The following EIF3J variants were observed in gnomAD, a reference collection of about 807,000 sequenced individuals.
The protein encoded by EIF3J is eukaryotic translation initiation factor 3 subunit J.
In EIF3J, 15 loss-of-function variants were observed where a neutral mutation model predicts 39.0. That is an observed-to-expected ratio of 0.38 (90% confidence interval 0.26 to 0.59). EIF3J has a LOEUF of 0.59. Among genes scored for constraint, EIF3J ranks in the 20% least tolerant of loss-of-function variants. EIF3J has a pLI of 0.60. For missense variants in EIF3J, 226 were observed against 308.6 expected (o/e 0.73, Z 2.00); for synonymous variants, 98 against 112.9 (o/e 0.87, Z 0.84).
chr15:44,539,217 G>A (rs1324634371), intron 2 of EIF3J, among the ~76,000 whole-genome samples: 1 of 151,596 alleles, frequency 6.6e-6, no homozygotes, highest in Non-Finnish European at 1.5e-5. Context: ...GTAGAGACGG[G>A]GTTTCGCCAT....
At chr15:44,552,625 C>T (rs542849430) in intron 4 of EIF3J, among the ~76,000 whole-genome samples, 47 of 150,916 alleles carry the variant, frequency 3.1e-4, no homozygotes, top group African/African-American at 1.1e-3. Flanking sequence ...AGTGCAATGG[C>T]GTGATCTTGG....
chr15:44,557,111 G>A (rs1377306329), intron 5 of EIF3J, among the ~76,000 whole-genome samples: 3 of 152,098 alleles, frequency 2.0e-5, no homozygotes, highest in African/African-American at 4.8e-5. Context: ...GTAGTGGCAC[G>A]TCAAATAATG....
At chr15:44,551,316 C>T in intron 3 of EIF3J, 115 bp from the exon 4 acceptor site, 3 of 687,890 alleles carry the variant, frequency 4.4e-6, no homozygotes, top group South Asian at 4.6e-5. Flanking sequence ...AGAAAAATCA[C>T]TGTTTGAAGC....
chr15:44,559,866 C>T lies in EIF3J; in HGVS notation c.572-383C>T, dbSNP rs553823005. On this transcript the variant is annotated intron_variant, in intron 6 of 7. Coordinates refer to ENST00000261868, the MANE Select transcript of EIF3J (RefSeq NM_003758.4). ...ATTGTGAGCTATAAAGACAGTTTCT[C>T]TTTGGTTGAGCAATGGTGTGTTGGT... Among the ~76,000 whole-genome samples, 97 of 151,922 alleles carry T rather than the reference C, an allele frequency of 6.4e-4. No homozygotes were observed. In the South Asian group the frequency reaches 0.02, roughly 31 times the overall value.
chr15:44,557,658 A>G lies in EIF3J; in HGVS notation c.571+8A>G. 6.9e-7 allele frequency: 1 copy of G among 1,452,450 alleles called. No individual in the cohort carries two copies. The highest frequency in any genetic ancestry group is 2.5e-5 in the East Asian group (1 of 39,518). 90.0% of individuals were successfully genotyped at this position (1,452,450 alleles called of 1,614,324 possible). A position where few individuals can be genotyped will look rare whatever the true frequency, so the allele number is the denominator to read the frequency against. On this transcript the variant is annotated splice_region_variant and intron_variant, in intron 6 of 7. Coordinates refer to ENST00000261868, the MANE Select transcript of EIF3J (RefSeq NM_003758.4). Reference sequence around the variant, plus strand: ...GAGATGTGTGTATTTCATGTAAGTAATTCTAATTTCTAGCCCCTCTGGGTA... The same window carrying G: ...GAGATGTGTGTATTTCATGTAAGTAGTTCTAATTTCTAGCCCCTCTGGGTA...
chr15:44,546,054 A>G (rs2082050254), intron 2 of EIF3J, among the ~76,000 whole-genome samples: 1 of 152,204 alleles, frequency 6.6e-6, no homozygotes, highest in Admixed American at 6.5e-5. Context: ...ACTGCCCCCT[A>G]TCACTCACAG....
intron 5 of EIF3J, 29 bp from the exon 6 acceptor site, chr15:44,557,460 T>TA (rs775908536): frequency 2.0e-6 from 3 of 1,480,008 alleles, no homozygotes; most frequent in South Asian, 2.9e-5. Context: ...AACCTCCTGA[T>TA]ACTTTTCAGT....
At position 44,551,010 on chromosome 15, in the gene EIF3J, C is replaced by T. The variant is rs1010724142; in HGVS notation, c.202+80C>T. On this transcript the variant is annotated intron_variant, in intron 3 of 7. Coordinates refer to ENST00000261868, the MANE Select transcript of EIF3J (RefSeq NM_003758.4). ...ACTTGTATTAAGACAAATGACAGAA[C>T]GCTCACAAAATGGAACATTTTGGTA... The T allele has an allele frequency of 2.6e-5, 40 of 1,515,104 alleles. No homozygotes were observed. The Admixed American group carries it at 3.3e-4, about 12-fold the overall frequency. 93.9% of individuals were successfully genotyped at this position (1,515,104 alleles called of 1,614,324 possible).
intron 2 of EIF3J, among the ~76,000 whole-genome samples, chr15:44,543,561 G>A (rs1274010707): frequency 1.3e-5 from 2 of 151,828 alleles, no homozygotes; most frequent in Admixed American, 1.3e-4. Flanking sequence ...CTACAGGTGT[G>A]CGCCACCACA....
chr15:44,547,495 G>A (rs903209085), intron 2 of EIF3J, among the ~76,000 whole-genome samples: 2 of 148,008 alleles, frequency 1.4e-5, no homozygotes, highest in Non-Finnish European at 3.0e-5. Context: ...TGTCACCTGG[G>A]CTGGAGTGCA....
chr15:44,540,471 C>A (rs2082005582), intron 2 of EIF3J, among the ~76,000 whole-genome samples: 1 of 150,942 alleles, frequency 6.6e-6, no homozygotes, highest in Non-Finnish European at 1.5e-5. Context: ...GGAGTTTCGC[C>A]AAGTTGCCCA....
chr15:44,543,813 A>C (rs2082031089), intron 2 of EIF3J, among the ~76,000 whole-genome samples: 1 of 152,096 alleles, frequency 6.6e-6, no homozygotes, highest in Non-Finnish European at 1.5e-5. Context: ...GGTAAGGTTT[A>C]TGCTTTGATG....
At chr15:44,559,020 T>C (rs970683624) in intron 6 of EIF3J, 1 of 152,142 alleles carries the variant, frequency 6.6e-6, no homozygotes, top group African/African-American at 2.4e-5. Flanking sequence ...TGGTAGGACA[T>C]AGAGATGGTC....
chr15:44,556,883 C>G (rs563759618), intron 5 of EIF3J, among the ~76,000 whole-genome samples: 2 of 152,248 alleles, frequency 1.3e-5, no homozygotes, highest in East Asian at 3.9e-4. Flanking sequence ...TGGTCTCAAA[C>G]TCCTGGCCTC....
At chr15:44,560,474 A>G (rs901756209) in intron 7 of EIF3J, 152 bp downstream of exon 7, 4 of 629,742 alleles carry the variant, frequency 6.4e-6, no homozygotes, top group African/African-American at 3.7e-5. Context: ...TATGGGTGCT[A>G]TTACTGTCCT....
At chr15:44,548,152 T>C (rs1595801738) in intron 2 of EIF3J, among the ~76,000 whole-genome samples, 1 of 152,190 alleles carries the variant, frequency 6.6e-6, no homozygotes, top group Non-Finnish European at 1.5e-5. Flanking sequence ...CTGGGCATGG[T>C]GGCTCACGCC....
chr15:44,556,633 A>G (rs2082146386), intron 5 of EIF3J, among the ~76,000 whole-genome samples: 2 of 151,970 alleles, frequency 1.3e-5, no homozygotes, highest in Non-Finnish European at 2.9e-5. Context: ...CAGCCTCCCA[A>G]GTAGCTGGGA....
intron 2 of EIF3J, among the ~76,000 whole-genome samples, chr15:44,540,270 T>A (rs1307572974): frequency 0.035 from 1,525 of 44,012 alleles, 3 homozygotes; most frequent in Middle Eastern, 0.069. Context: ...TATATATATT[T>A]TTTTTTTTTT....
chr15:44,560,997 T>C, intron 7 of EIF3J, 21 bp from the exon 8 acceptor site: 1 of 1,611,654 alleles, frequency 6.2e-7, no homozygotes, highest in Non-Finnish European at 8.5e-7. Context: ...GGTTCATGAA[T>C]TAACTCTCTT....
Sources: allele counts gnomAD v4.1 joint callset (sites outside exome capture counted in the v4.1 genomes callset), GRCh38; gene constraint gnomAD v4.1.1; transcripts MANE v1.5; gene names NCBI Gene and HGNC (gene_info 2026-07-23, HGNC 2026-07-21).